The following LAMC2 variants were observed in gnomAD, a reference collection of about 807,000 sequenced individuals.
LAMC2 encodes laminin subunit gamma 2.
Under a neutral mutation model 140.2 loss-of-function variants are expected in LAMC2, and 97 were observed. The observed-to-expected ratio is 0.69, with a 90% confidence interval of 0.59 to 0.82. LAMC2 has a LOEUF of 0.82. LAMC2 is among the 40% of genes least tolerant of loss of function. LAMC2 has a pLI of 0.00. For missense variants in LAMC2, 1,402 were observed against 1,476.1 expected (o/e 0.95, Z 0.82); for synonymous variants, 513 against 540.2 (o/e 0.95, Z 0.70).
chr1:183,191,340 C>T (rs1433570800), intron 1 of LAMC2, among the ~76,000 whole-genome samples: 1 of 152,130 alleles, frequency 6.6e-6, no homozygotes, highest in Admixed American at 6.6e-5. Flanking sequence ...GGGGCAGCCA[C>T]TGGTTCAGCC....
At position 183,243,464 on chromosome 1, in the gene LAMC2, G is replaced by A; in HGVS notation, c.*64G>A. The stretch of plus-strand genomic sequence containing the variant: ...ACAGATCTCAGGGCTCGGGAGCCAT[G>A]TCATGTGAGTGGGTGGGATGGGGAC... On this transcript the variant is annotated 3_prime_UTR_variant, in exon 23 of 23. Coordinates refer to ENST00000264144, the MANE Select transcript of LAMC2 (RefSeq NM_005562.3). 1.3e-6 allele frequency: 2 copies of A among 1,596,450 alleles called. No individual in the cohort carries two copies. The highest frequency in any genetic ancestry group is 1.7e-6 in the Non-Finnish European group (2 of 1,164,286).
At position 183,215,293 on chromosome 1, in the gene LAMC2, C is replaced by T. The variant is rs2274982; in HGVS notation, c.269-160C>T. On this transcript the variant is annotated intron_variant, in intron 2 of 22. Coordinates refer to ENST00000264144, the MANE Select transcript of LAMC2 (RefSeq NM_005562.3). The stretch of plus-strand genomic sequence containing the variant: ...CATCCTCAGCTGTCAGCACCATCCC[C>T]GGTGACACGCAGGCGATGTGAAGTG... 0.1 allele frequency among the ~76,000 whole-genome samples: 15,811 copies of T among 152,242 alleles called. 956 individuals are homozygous for T. Among genetic ancestry groups the T allele is most frequent in the East Asian group, 0.19 (966 of 5,170 alleles).
Position 183,238,297 on chromosome 1 carries a change from C to T in LAMC2, c.2755-10C>T, listed in dbSNP as rs1363600200. On this transcript the variant is annotated splice_polypyrimidine_tract_variant and intron_variant, in intron 18 of 22. Coordinates refer to ENST00000264144, the MANE Select transcript of LAMC2 (RefSeq NM_005562.3). Reference sequence around the variant, plus strand: ...CTTCCTCTAATCTTGTTCTATCTGCCTTTTTACAGAAATCAGATCAGCTGC... The same window carrying T: ...CTTCCTCTAATCTTGTTCTATCTGCTTTTTTACAGAAATCAGATCAGCTGC... The T allele has an allele frequency of 6.2e-7, 1 of 1,605,104 alleles. No individual in the cohort carries two copies. Among genetic ancestry groups the T allele is most frequent in the South Asian group, 1.1e-5 (1 of 90,930 alleles).
Position 183,232,755 on chromosome 1 carries a change from G to A in LAMC2, c.2118G>A (p.Arg706=). Residue 706 remains arginine (R), a synonymous_variant, in exon 14 of 23, where the codon CGG becomes CGA. Transcript: ENST00000264144. The part of the protein sequence containing the change: ...DDLKMTVERV[R]ALGSQYQNRV... Reference sequence around the variant, plus strand: ...TCAAGATGACTGTGGAAAGAGTTCGGGCTCTGGGAAGTCAGTACCAGAACC... The same window carrying A: ...TCAAGATGACTGTGGAAAGAGTTCGAGCTCTGGGAAGTCAGTACCAGAACC... 1 of 1,614,074 alleles carries A rather than the reference G, an allele frequency of 6.2e-7. No homozygotes were observed. Among genetic ancestry groups the A allele is most frequent in the East Asian group, 2.2e-5 (1 of 44,876 alleles).
At chr1:183,226,550 A>G in intron 8 of LAMC2, 148 bp from the exon 9 acceptor site, 1 of 725,258 alleles carries the variant, frequency 1.4e-6, no homozygotes, top group Non-Finnish European at 2.4e-6. Flanking sequence ...TCACAGTGGG[A>G]GACTGCCATA....
chr1:183,232,103 A>G, intron 12 of LAMC2, 84 bp from the exon 13 acceptor site: 1 of 1,533,502 alleles, frequency 6.5e-7, no homozygotes, highest in Non-Finnish European at 9.0e-7. Flanking sequence ...GACTTTTAGT[A>G]TTATCCCCTG....
intron 15 of LAMC2, 147 bp from the exon 16 acceptor site, chr1:183,235,428 C>A: frequency 1.2e-6 from 1 of 844,592 alleles, no homozygotes; most frequent in Non-Finnish European, 2.0e-6. Flanking sequence ...CTTGACAGCA[C>A]CTCTAATTCC....
chr1:183,257,657 A>G, the LAMC2 span, among the ~76,000 whole-genome samples: 2 of 152,152 alleles, frequency 1.3e-5, no homozygotes, highest in African/African-American at 4.8e-5. Flanking sequence ...TTGTTTGCAT[A>G]TAATTGTTCA....
In LAMC2 at chr1:183,226,762, C is replaced by T. The variant is rs2102230105; in HGVS notation, c.1131C>T (p.Pro377=). 1 of 1,614,220 alleles carries T rather than the reference C, an allele frequency of 6.2e-7. No individual in the cohort carries two copies. The highest frequency in any genetic ancestry group is 8.5e-7 in the Non-Finnish European group (1 of 1,180,042). The change falls in exon 9 of 23, where the codon CCC becomes CCT. Residue 377 remains proline (P), a synonymous_variant. Transcript: ENST00000264144. ...SARPVSGAPA[P]WVEQCICPVG... ...GCCCTGTCTCTGGAGCCCCAGCACC[C>T]TGGGTTGAACAGTGTATATGTCCTG...
chr1:183,239,527 CG>C lies in LAMC2; in HGVS notation c.3037del (p.Glu1013ArgfsTer16). Reference sequence around the variant, plus strand: ...ATGCACAGAGGGCAAAGAATGGGGCCGGGGAGGCCCTGGAAATCTCCAGTGA... The same window carrying C: ...ATGCACAGAGGGCAAAGAATGGGGCCGGGAGGCCCTGGAAATCTCCAGTGA... ...ADAQRAKNGA[G>X]EALEISSEIE... On this transcript the variant is annotated frameshift_variant, in exon 20 of 23. Coordinates refer to ENST00000264144, the MANE Select transcript of LAMC2 (RefSeq NM_005562.3). LOFTEE classifies it high-confidence loss of function. 6.2e-7 allele frequency: 1 copy of C among 1,613,726 alleles called. No individual in the cohort carries two copies. The highest frequency in any genetic ancestry group is 8.5e-7 in the Non-Finnish European group (1 of 1,179,906).
chr1:183,234,536 CG>C, intron 15 of LAMC2, 90 bp downstream of exon 15: 1 of 1,003,056 alleles, frequency 1.0e-6, no homozygotes. Flanking sequence ...ACCCAAGCAT[CG>C]TATTTATTCT....
chr1:183,251,472 C>T, the LAMC2 span: 1 of 152,312 alleles, frequency 6.6e-6, no homozygotes, highest in Non-Finnish European at 1.5e-5. Context: ...TAGCAAAGAC[C>T]TCCAGGGTTG....
At chr1:183,233,831 A>G (rs567243110) in intron 14 of LAMC2, among the ~76,000 whole-genome samples, 2 of 149,236 alleles carry the variant, frequency 1.3e-5, no homozygotes, top group Non-Finnish European at 3.0e-5. Flanking sequence ...ATCTATATCT[A>G]TATACAGACT....
In LAMC2 at chr1:183,223,136, C is replaced by T; in HGVS notation, c.765C>T (p.Ala255=). 1 of 1,613,978 alleles carries T rather than the reference C, an allele frequency of 6.2e-7. No individual in the cohort carries two copies. The highest frequency in any genetic ancestry group is 8.5e-7 in the Non-Finnish European group (1 of 1,179,966). ...RLDPVYFVAP[A]KFLGNQQVSY... is the part of the protein sequence containing the mutation. ...ATCTTTTAAAACTCTGTTTCACAGCCAAATTTCTTGGGAATCAACAGGTGA... is the reference window on the plus strand; with the variant it reads ...ATCTTTTAAAACTCTGTTTCACAGCTAAATTTCTTGGGAATCAACAGGTGA... The change falls in exon 7 of 23, where the codon GCC becomes GCT. Residue 255 remains alanine (A), a splice_region_variant and synonymous_variant. Transcript: ENST00000264144.
At chr1:183,254,023 C>T in the LAMC2 span, among the ~76,000 whole-genome samples, 1 of 151,732 alleles carries the variant, frequency 6.6e-6, no homozygotes, top group Non-Finnish European at 1.5e-5. Flanking sequence ...ATCTTGGCTA[C>T]TGTGAATAAT....
intron 15 of LAMC2, among the ~76,000 whole-genome samples, chr1:183,234,728 C>G (rs748099135): frequency 6.6e-6 from 1 of 152,180 alleles, no homozygotes; most frequent in Admixed American, 6.5e-5. Flanking sequence ...TGTGATTCCT[C>G]GGGCCACGTG....
At chr1:183,189,892 A>G (rs1263274786) in intron 1 of LAMC2, among the ~76,000 whole-genome samples, 1 of 152,228 alleles carries the variant, frequency 6.6e-6, no homozygotes, top group African/African-American at 2.4e-5. Flanking sequence ...TTCAGAATCC[A>G]TGATTATCAT....
At position 183,239,418 on chromosome 1, in the gene LAMC2, G is replaced by C; in HGVS notation, c.2924G>C (p.Arg975Thr). Residue 975 changes from arginine (R) to threonine (T), a missense_variant, in exon 20 of 23, where the codon AGA (arginine) becomes ACA (threonine). This residue lies in a region of LAMC2 where 670 missense variants were observed against 667.2 expected (regional missense o/e 1.00). Transcript: ENST00000264144. ...GCAGAAGCTGAAGAAGCCATGAAGA[G>C]ACTCTCCTACATCAGCCAGAAGGTT... is the stretch of plus-strand genomic sequence containing the variant. Reference protein sequence around the residue: ...RKAEAEEAMKRLSYISQKVSD... With the variant: ...RKAEAEEAMKTLSYISQKVSD... 2 of 1,614,218 alleles carry C rather than the reference G, an allele frequency of 1.2e-6. No homozygotes were observed. Among genetic ancestry groups the C allele is most frequent in the Non-Finnish European group, 1.7e-6 (2 of 1,180,042 alleles).
At chr1:183,241,395 G>A in intron 22 of LAMC2, 1 of 851,070 alleles carries the variant, frequency 1.2e-6, no homozygotes, top group Middle Eastern at 6.0e-4. Context: ...ATGAGAGTAG[G>A]CCTGTGAGAT....
Sources: allele counts gnomAD v4.1 joint callset (sites outside exome capture counted in the v4.1 genomes callset), GRCh38; gene constraint gnomAD v4.1.1; regional missense constraint gnomAD v4.1.1; transcripts MANE v1.5; gene names NCBI Gene and HGNC (gene_info 2026-07-23, HGNC 2026-07-21).